Variants in LAMC3 observed in about 807,000 individuals in gnomAD.
The protein encoded by LAMC3 is laminin subunit gamma-3.
Under a neutral mutation model 173.8 loss-of-function variants are expected in LAMC3, and 128 were observed. The observed-to-expected ratio is 0.74, with a 90% confidence interval of 0.64 to 0.85. The LOEUF (loss-of-function observed/expected upper bound fraction) is 0.85, where lower values mean the gene tolerates loss of function less well. Among genes scored for constraint, LAMC3 ranks in the 40% least tolerant of loss-of-function variants. LAMC3 has a pLI of 0.00. For synonymous variants in LAMC3, 897 were observed against 909.1 expected (o/e 0.99, Z 0.24); for missense variants, 2,022 against 2,156.0 (o/e 0.94, Z 1.23).
At position 131,073,298 on chromosome 9, in the gene LAMC3, A is replaced by G; in HGVS notation, c.3471A>G (p.Thr1157=). 1 of 1,613,886 alleles carries G rather than the reference A, an allele frequency of 6.2e-7. No homozygotes were observed. Among genetic ancestry groups the G allele is most frequent in the Non-Finnish European group, 8.5e-7 (1 of 1,179,924 alleles). Residue 1157 remains threonine, a synonymous_variant, in exon 20 of 28, where the codon ACA becomes ACG. Transcript: ENST00000361069. ...SQPTKWSHLA[T]EARALARSHR... ...CGACCAAATGGAGCCACCTGGCCACAGAGGCCCGTGCCCTCGCCAGGAGGT... is the reference window on the plus strand; with the variant it reads ...CGACCAAATGGAGCCACCTGGCCACGGAGGCCCGTGCCCTCGCCAGGAGGT...
rs778936960 is a variant in LAMC3 at position 131,081,954 on chromosome 9, G to A, written c.3928-105G>A. The stretch of plus-strand genomic sequence containing the variant: ...AGCGTGACCCAGCGTCAGGGATTTG[G>A]TGATGATTTGGGCACCCATGTATGT... On this transcript the variant is annotated intron_variant, in intron 23 of 27. Transcript: ENST00000361069. 10 of 769,806 alleles carry A rather than the reference G, an allele frequency of 1.3e-5. No individual in the cohort carries two copies. The African/African-American group carries it at 1.7e-4, about 13-fold the overall frequency. 47.7% of individuals were successfully genotyped at this position (769,806 alleles called of 1,614,324 possible).
chr9:131,058,409 G>A (rs191612702), intron 12 of LAMC3, among the ~76,000 whole-genome samples: 10 of 151,160 alleles, frequency 6.6e-5, no homozygotes, highest in Admixed American at 1.3e-4. Context: ...CACCACGCCT[G>A]GCCAACTGAT....
intron 1 of LAMC3, among the ~76,000 whole-genome samples, chr9:131,010,350 G>T (rs866175411): frequency 1.3e-5 from 2 of 151,878 alleles, no homozygotes; most frequent in South Asian, 4.2e-4. Flanking sequence ...ATGAAAAAAA[G>T]AAGAAAAAAA....
intron 1 of LAMC3, among the ~76,000 whole-genome samples, chr9:131,024,150 C>CTTTTTTT: frequency 7.6e-6 from 1 of 131,510 alleles, no homozygotes; most frequent in African/African-American, 2.9e-5. Context: ...GAAGTTTTAG[C>CTTTTTTT]TTTTTTTTTT....
At chr9:131,073,607 C>T (rs375182713) in intron 20 of LAMC3, among the ~76,000 whole-genome samples, 1 of 152,164 alleles carries the variant, frequency 6.6e-6, no homozygotes, top group South Asian at 2.1e-4. Context: ...GTATAGTTCA[C>T]ACTATACAGA....
intron 22 of LAMC3, 44 bp downstream of exon 22, chr9:131,077,378 C>G (rs1272513844): frequency 6.2e-7 from 1 of 1,609,020 alleles, no homozygotes; most frequent in Admixed American, 1.7e-5. Flanking sequence ...TCGGGAGGAT[C>G]TATTATAGAA....
rs1164077473 is a variant in LAMC3 at position 131,009,365 on chromosome 9, T to A, written c.151T>A (p.Ser51Thr). The change falls in exon 1 of 28, where the codon TCG becomes ACG. Residue 51 changes from serine to threonine, a missense_variant. Physicochemically the swap from Ser to Thr is moderately conservative, Grantham distance 58 (BLOSUM62 1). Coordinates refer to ENST00000361069, the MANE Select transcript of LAMC3 (RefSeq NM_006059.4). This position sits in a 1 kb window ranked among gnomAD's most constrained non-coding sequence, Gnocchi z 4.3. ...GGCGTTTGGGCGGCTCGCCCAGGCCTCGCACACGTGCGGCAGCCCGCCCGA... is the reference window on the plus strand; with the variant it reads ...GGCGTTTGGGCGGCTCGCCCAGGCCACGCACACGTGCGGCAGCCCGCCCGA... ...NAAFGRLAQA[S>T]HTCGSPPEDF... 29 of 1,522,444 alleles carry A rather than the reference T, an allele frequency of 1.9e-5. No individual in the cohort carries two copies. The highest frequency in any genetic ancestry group is 2.5e-5 in the Non-Finnish European group (28 of 1,140,240). The allele number at this position is 1,522,444 out of a possible 1,614,324, so 94.3% of individuals were successfully genotyped here.
At chr9:131,048,227 C>T (rs10901327) in intron 8 of LAMC3, among the ~76,000 whole-genome samples, 92,251 of 151,274 alleles carry the variant, frequency 0.61, 29,784 homozygotes, top group African/African-American at 0.84. Context: ...TGGCTAATTT[C>T]TGTATTTTTA....
chr9:131,071,613 C>T lies in LAMC3; in HGVS notation c.3199C>T (p.His1067Tyr), dbSNP rs373548512. The T allele has an allele frequency of 1.8e-5, 29 of 1,588,950 alleles. No homozygotes were observed. The highest frequency in any genetic ancestry group is 6.0e-6 in the Non-Finnish European group (7 of 1,164,610). The change falls in exon 18 of 28, where the codon CAC becomes TAC. Residue 1067 changes from histidine to tyrosine, a missense_variant. Transcript: ENST00000361069. ...AAGGGGGGACGTCTACCAGGGCCAT[C>T]ACCTGCTTCCAGGTACAGCAGGAGC... The part of the protein sequence containing the change: ...APRGDVYQGH[H>Y]LLPGAREAFL...
Position 131,061,122 on chromosome 9 carries a change from C to T in LAMC3, c.2246C>T (p.Ala749Val). Reference sequence around the variant, plus strand: ...TATGGCAACCCTTTCGCGGGCCAAGCCGACGACTGCCAGCCCTGTCCCTGC... The same window carrying T: ...TATGGCAACCCTTTCGCGGGCCAAGTCGACGACTGCCAGCCCTGTCCCTGC... ...GFYGNPFAGQ[A>V]DDCQPCPCPG... Residue 749 changes from alanine to valine, a missense_variant, in exon 13 of 28, where the codon GCC (alanine) becomes GTC (valine). Transcript: ENST00000361069. 1 of 1,613,808 alleles carries T rather than the reference C, an allele frequency of 6.2e-7. No homozygotes were observed. Among genetic ancestry groups the T allele is most frequent in the Non-Finnish European group, 8.5e-7 (1 of 1,180,016 alleles).
chr9:131,091,688 C>G lies in LAMC3; in HGVS notation c.4629C>G (p.Ile1543Met), dbSNP rs751177823. 6.2e-7 allele frequency: 1 copy of G among 1,610,878 alleles called. No individual in the cohort carries two copies. Among genetic ancestry groups the G allele is most frequent in the Non-Finnish European group, 8.5e-7 (1 of 1,178,850 alleles). Residue 1543 changes from isoleucine (I) to methionine (M), a missense_variant, in exon 28 of 28, where the codon ATC becomes ATG. Transcript: ENST00000361069. ...AATCCCAGCAGCAGGAGCTGCAGAT[C>G]CAGGGCTTCGAGAGTGACCTCGCCG... ...EQESQQQELQ[I>M]QGFESDLAEI...
Position 131,026,599 on chromosome 9 carries a change from G to T in LAMC3, c.678+10G>T. 6.4e-7 allele frequency: 1 copy of T among 1,570,808 alleles called. No individual in the cohort carries two copies. The highest frequency in any genetic ancestry group is 1.3e-5 in the African/African-American group (1 of 74,384). On this transcript the variant is annotated intron_variant, in intron 2 of 27. Coordinates refer to ENST00000361069, the MANE Select transcript of LAMC3 (RefSeq NM_006059.4). This position sits in a 1 kb window ranked among gnomAD's most constrained non-coding sequence, Gnocchi z 4.8. ...GAGCCCTGGGCTGCAGGTCAGGGAG[G>T]AGCGGGGCTTCGGAGGTTGGGACGG...
At chr9:131,055,242 G>A (rs1206713177) in intron 11 of LAMC3, among the ~76,000 whole-genome samples, 2 of 152,106 alleles carry the variant, frequency 1.3e-5, no homozygotes, top group Non-Finnish European at 2.9e-5. Flanking sequence ...CTGATGAGGA[G>A]TGTCGGCCGC....
intron 1 of LAMC3, among the ~76,000 whole-genome samples, chr9:131,017,462 C>G (rs1047875188): frequency 6.6e-6 from 1 of 151,984 alleles, no homozygotes; most frequent in Non-Finnish European, 1.5e-5. Flanking sequence ...GCGGTCCTTA[C>G]GCCTGTAATC....
chr9:131,032,152 G>A lies in LAMC3; in HGVS notation c.786G>A (p.Val262=), dbSNP rs2275133. 6,265 of 1,609,944 alleles carry A rather than the reference G, an allele frequency of 3.9e-3. 140 individuals carry two copies. The East Asian group carries it at 0.053, about 14-fold the overall frequency. ...TGCTCCAGTCCTACTATTATGCCGT[G>A]TCCGACTTCTCTGTGGGCGGCAGGT... ...PKVLQSYYYA[V]SDFSVGGRCK... The change falls in exon 3 of 28, where the codon GTG becomes GTA. Residue 262 remains valine, a synonymous_variant. Coordinates refer to ENST00000361069, the MANE Select transcript of LAMC3 (RefSeq NM_006059.4).
intron 16 of LAMC3, 67 bp downstream of exon 16, chr9:131,069,117 A>C: frequency 1.3e-6 from 2 of 1,553,322 alleles, no homozygotes; most frequent in East Asian, 4.5e-5. Flanking sequence ...GGCAGAGATG[A>C]CTGATGGGGA....
At chr9:131,088,045 T>C (rs560891400) in intron 27 of LAMC3, among the ~76,000 whole-genome samples, 2 of 152,320 alleles carry the variant, frequency 1.3e-5, no homozygotes, top group African/African-American at 4.8e-5. Context: ...AGTAACTGTT[T>C]GTGCCTCCAG....
At position 131,073,296 on chromosome 9, in the gene LAMC3, A is replaced by G. The variant is rs1440724103; in HGVS notation, c.3469A>G (p.Thr1157Ala). 5 of 1,613,862 alleles carry G rather than the reference A, an allele frequency of 3.1e-6. No homozygotes were observed. The South Asian group carries it at 5.5e-5, about 18-fold the overall frequency. The change falls in exon 20 of 28, where the codon ACA becomes GCA. Residue 1157 changes from threonine (T) to alanine (A), a missense_variant. Transcript: ENST00000361069. ...SQPTKWSHLA[T>A]EARALARSHR... is the part of the protein sequence containing the mutation. ...GCCGACCAAATGGAGCCACCTGGCC[A>G]CAGAGGCCCGTGCCCTCGCCAGGAG... is the stretch of plus-strand genomic sequence containing the variant.
chr9:131,076,464 A>G (rs560725942), intron 21 of LAMC3, among the ~76,000 whole-genome samples: 1 of 152,110 alleles, frequency 6.6e-6, no homozygotes, highest in Non-Finnish European at 1.5e-5. Flanking sequence ...AGACATTCCT[A>G]AACGAGAATG....
Sources: gnomAD v4.1 joint callset for allele counts (sites outside exome capture counted in the v4.1 genomes callset) on GRCh38, gnomAD v4.1.1 for gene constraint, Gnocchi (gnomAD v3.1) non-coding constraint, MANE v1.5 for transcripts, NCBI Gene and HGNC (gene_info 2026-07-23, HGNC 2026-07-21) for gene names.